The following COLEC12 variants were observed in gnomAD, a reference collection of about 807,000 sequenced individuals.
COLEC12 encodes collectin-12.
A neutral mutation model predicts 71.1 loss-of-function variants in COLEC12; 33 were observed. That is an observed-to-expected ratio of 0.46 (90% CI 0.35 to 0.62). COLEC12 has a LOEUF of 0.62. Among genes scored for constraint, COLEC12 ranks in the 20% least tolerant of loss-of-function variants. The pLI is 0.00. For missense variants in COLEC12, 765 were observed against 916.1 expected (o/e 0.84, Z 2.13); for synonymous variants, 350 against 353.0 (o/e 0.99, Z 0.10).
chr18:363,025 A>C (rs1820810832), intron 2 of COLEC12, among the ~76,000 whole-genome samples: 2 of 151,720 alleles, frequency 1.3e-5, no homozygotes, highest in Admixed American at 1.3e-4. Flanking sequence ...TTCAAGTAAG[A>C]AGCTGGCAGG....
chr18:484,543 T>G (rs190098741), intron 1 of COLEC12, among the ~76,000 whole-genome samples: 2 of 152,340 alleles, frequency 1.3e-5, no homozygotes, highest in Non-Finnish European at 1.5e-5. Flanking sequence ...TGACTGCAAT[T>G]ATACAGAAGT....
chr18:362,932 T>A lies in COLEC12; in HGVS notation c.59-5410A>T, dbSNP rs779932469. ...TCTGGTTAACTCCTTGAGTATTCCATGGAAGTTCAGAATAGGCTGACAATT... is the reference window on the plus strand; with the variant it reads ...TCTGGTTAACTCCTTGAGTATTCCAAGGAAGTTCAGAATAGGCTGACAATT... On this transcript the variant is annotated intron_variant, in intron 2 of 9. Transcript: ENST00000400256. The surrounding 1 kb of genome is among the most constrained non-coding windows in gnomAD (Gnocchi z 4.6). Among the ~76,000 whole-genome samples, 5 of 152,150 alleles carry A rather than the reference T, an allele frequency of 3.3e-5. No homozygotes were observed. Among genetic ancestry groups the A allele is most frequent in the Non-Finnish European group, 5.9e-5 (4 of 68,032 alleles).
chr18:450,418 A>G (rs899456804), intron 2 of COLEC12, among the ~76,000 whole-genome samples: 3 of 152,020 alleles, frequency 2.0e-5, no homozygotes, highest in African/African-American at 7.3e-5. Flanking sequence ...AGTTCTTCTG[A>G]GATCTGGTGG....
chr18:454,075 G>A (rs570756888), intron 2 of COLEC12, among the ~76,000 whole-genome samples: 9 of 152,272 alleles, frequency 5.9e-5, no homozygotes, highest in Admixed American at 2.0e-4. Context: ...AAACATATCC[G>A]TTCTCTAGTT....
At chr18:449,138 T>C (rs1274255797) in intron 2 of COLEC12, among the ~76,000 whole-genome samples, 2 of 152,106 alleles carry the variant, frequency 1.3e-5, no homozygotes, top group Non-Finnish European at 2.9e-5. Context: ...AAGTGGACTT[T>C]AAGGTAGAAT....
intron 2 of COLEC12, among the ~76,000 whole-genome samples, chr18:419,032 G>A (rs1048440721): frequency 6.6e-6 from 1 of 152,178 alleles, no homozygotes; most frequent in Non-Finnish European, 1.5e-5. Flanking sequence ...GGACAAGTCA[G>A]TTAACCATTT....
rs764288261 is a variant in COLEC12, at chr18:321,698, C to G, written c.2173G>C (p.Val725Leu). ...TCTTTTTCGCAAATGAAGTTATTGA[C>G]GTCTTCACATTGGAAATCGTTCCAC... ...GQWNDFQCED[V>L]NNFICEKDRE... is the part of the protein sequence containing the mutation. The change falls in exon 9 of 10, where the codon GTC becomes CTC. Residue 725 changes from valine (V) to leucine (L), a missense_variant. Transcript: ENST00000400256. 3.1e-6 allele frequency: 5 copies of G among 1,614,072 alleles called. No homozygotes were observed. Among genetic ancestry groups the G allele is most frequent in the Non-Finnish European group, 3.4e-6 (4 of 1,180,036 alleles).
chr18:491,468 C>T (rs1194974355), intron 1 of COLEC12, among the ~76,000 whole-genome samples: 2 of 152,220 alleles, frequency 1.3e-5, no homozygotes, highest in African/African-American at 4.8e-5. Context: ...CTATCTCACA[C>T]ATTTTGGGGA....
At chr18:419,720 T>C (rs1037484298) in intron 2 of COLEC12, among the ~76,000 whole-genome samples, 1 of 152,252 alleles carries the variant, frequency 6.6e-6, no homozygotes, top group African/African-American at 2.4e-5. Context: ...TGTTGATATG[T>C]CATCTGTGGT....
At chr18:498,621 C>T (rs1300011839) in intron 1 of COLEC12, among the ~76,000 whole-genome samples, 1 of 152,096 alleles carries the variant, frequency 6.6e-6, no homozygotes. Flanking sequence ...CTCGGCCTCC[C>T]AAAGTGCTGG....
At chr18:353,771 C>G (rs1914572175) in intron 3 of COLEC12, among the ~76,000 whole-genome samples, 1 of 152,188 alleles carries the variant, frequency 6.6e-6, no homozygotes, top group South Asian at 2.1e-4. Flanking sequence ...TTCCCAGTAA[C>G]ATTAGTTACA....
intron 3 of COLEC12, among the ~76,000 whole-genome samples, chr18:355,692 G>A (rs1914616068): frequency 6.6e-6 from 1 of 152,132 alleles, no homozygotes; most frequent in African/African-American, 2.4e-5. Context: ...CTTATTAAAT[G>A]GCTGATTTCA....
At chr18:473,106 A>G (rs1476931527) in intron 2 of COLEC12, among the ~76,000 whole-genome samples, 2 of 152,194 alleles carry the variant, frequency 1.3e-5, no homozygotes, top group Non-Finnish European at 2.9e-5. Context: ...GATACACAAA[A>G]TGAGGCTTAG....
chr18:420,756 A>T (rs1458865220), intron 2 of COLEC12, among the ~76,000 whole-genome samples: 1 of 152,102 alleles, frequency 6.6e-6, no homozygotes, highest in Non-Finnish European at 1.5e-5. Flanking sequence ...TAACATCCTT[A>T]AAAAAACCCT....
At position 417,748 on chromosome 18, in the gene COLEC12, GTCATTGCTGTAGCAACTGA is replaced by G. The variant is rs369510939; in HGVS notation, c.59-60245_59-60227del. Among the ~76,000 whole-genome samples the G allele has an allele frequency of 6.2e-3, 946 of 152,300 alleles. 9 individuals carry two copies. Among genetic ancestry groups the G allele is most frequent in the African/African-American group, 0.022 (897 of 41,556 alleles). ...TGTCAGCAAGTTCCAAGAAACACTG[GTCATTGCTGTAGCAACTGA>G]TTTCACATGCATCAGGAGAAATCGT... On this transcript the variant is annotated intron_variant, in intron 2 of 9. Transcript: ENST00000400256.
intron 2 of COLEC12, among the ~76,000 whole-genome samples, chr18:406,366 A>G (rs1002428152): frequency 2.6e-5 from 4 of 151,646 alleles, no homozygotes; most frequent in Non-Finnish European, 4.4e-5. Context: ...AAAATTAGCC[A>G]GGCGCGGTGG....
intron 2 of COLEC12, among the ~76,000 whole-genome samples, chr18:430,872 A>G (rs1358694207): frequency 1.3e-5 from 2 of 152,230 alleles, no homozygotes; most frequent in Non-Finnish European, 2.9e-5. Flanking sequence ...CAATTTTGGA[A>G]ATATAGAATG....
At chr18:406,305 C>T (rs1042769992) in intron 2 of COLEC12, among the ~76,000 whole-genome samples, 6 of 151,876 alleles carry the variant, frequency 4.0e-5, no homozygotes, top group South Asian at 4.2e-4. Flanking sequence ...GTCAGGAGAT[C>T]GAGACCATCC....
chr18:321,589 T>C (rs1913705108), intron 9 of COLEC12, 73 bp downstream of exon 9: 3 of 1,557,016 alleles, frequency 1.9e-6, no homozygotes, highest in Non-Finnish European at 2.6e-6. Context: ...TCAGGGCCCT[T>C]GTACTCACCA....
Sources: gnomAD v4.1 joint callset for allele counts (sites outside exome capture counted in the v4.1 genomes callset) on GRCh38, gnomAD v4.1.1 for gene constraint, Gnocchi (gnomAD v3.1) non-coding constraint, MANE v1.5 for transcripts, NCBI Gene and HGNC (gene_info 2026-07-23, HGNC 2026-07-21) for gene names.